Variants in PARD6G observed in about 807,000 individuals in gnomAD.
The protein encoded by PARD6G is par-6 family cell polarity regulator gamma.
In PARD6G, 7 loss-of-function variants were observed where a neutral mutation model predicts 10.7. That is an observed-to-expected ratio of 0.66 (90% CI 0.37 to 1.23). The LOEUF is 1.23. PARD6G is among the 50% of genes most tolerant of loss of function. PARD6G has a pLI of 0.02. For missense variants in PARD6G, 548 were observed against 571.8 expected, an observed-to-expected ratio of 0.96 and a Z score of 0.42; for synonymous variants, 287 against 269.4, an observed-to-expected ratio of 1.07 and a Z score of -0.64.
Position 80,182,136 on chromosome 18 carries a change from C to G in PARD6G, c.295+20574G>C, listed in dbSNP as rs2052851633. Among the ~76,000 whole-genome samples, 1 of 152,254 alleles carries G rather than the reference C, an allele frequency of 6.6e-6. No homozygotes were observed. Among genetic ancestry groups the G allele is most frequent in the African/African-American group, 2.4e-5 (1 of 41,464 alleles). ...TGCTCACCCACAGTGCTCTGGGCCC[C>G]TCCCACTTCCACAACTGCGACCTTG... On this transcript the variant is annotated intron_variant, in intron 2 of 2. Transcript: ENST00000353265. The surrounding 1 kb of genome is among the most constrained non-coding windows in gnomAD (Gnocchi z 4.5).
At chr18:80,197,559 T>A (rs1966969511) in intron 2 of PARD6G, 1 of 152,222 alleles carries the variant, frequency 6.6e-6, no homozygotes, top group South Asian at 2.1e-4. Context: ...GTGCTGAACA[T>A]CTTTCGGTGT....
intron 1 of PARD6G, among the ~76,000 whole-genome samples, chr18:80,244,153 G>A (rs1967518048): frequency 6.6e-6 from 1 of 152,092 alleles, no homozygotes; most frequent in African/African-American, 2.4e-5. Context: ...GGTGGCCAAG[G>A]ACTCTTGCTC....
chr18:80,172,762 A>G (rs2052785650), intron 2 of PARD6G, among the ~76,000 whole-genome samples: 1 of 152,144 alleles, frequency 6.6e-6, no homozygotes, highest in Non-Finnish European at 1.5e-5. Flanking sequence ...TGACTTACAA[A>G]TGCTTTTGTC....
At chr18:80,186,744 A>C (rs1269499183) in intron 2 of PARD6G, among the ~76,000 whole-genome samples, 1 of 152,072 alleles carries the variant, frequency 6.6e-6, no homozygotes, top group Non-Finnish European at 1.5e-5. Flanking sequence ...AGTAACATAA[A>C]ATTTTACCCT....
rs904468437 is a variant in PARD6G at position 80,168,605 on chromosome 18, G to GTGTA, written c.296-8003_296-8000dup. On this transcript the variant is annotated intron_variant, in intron 2 of 2. Transcript: ENST00000353265. ...TGTGTGTGTGTGTGTGTGTGTGTGT[G>GTGTA]TGTATGTATATGTATAAACTTTTTT... is the stretch of plus-strand genomic sequence containing the variant. 2.7e-5 allele frequency among the ~76,000 whole-genome samples: 4 copies of GTGTA among 149,736 alleles called. 1 individual carries two copies. The highest frequency in any genetic ancestry group is 9.9e-5 in the African/African-American group (4 of 40,204).
rs866989291 is a variant in PARD6G, at chr18:80,208,641, C to T, written c.73-5709G>A. Among the ~76,000 whole-genome samples, 5 of 152,244 alleles carry T rather than the reference C, an allele frequency of 3.3e-5. 1 individual carries two copies. In the Middle Eastern group the frequency reaches 0.01, roughly 311 times the overall value. On this transcript the variant is annotated intron_variant, in intron 1 of 2. Coordinates refer to ENST00000353265, the MANE Select transcript of PARD6G (RefSeq NM_032510.4). Reference sequence around the variant, plus strand: ...TACTCAAGCCAGGCATGGTGGTATACACCTGTAGTCCCAGCTACTTGGAGG... The same window carrying T: ...TACTCAAGCCAGGCATGGTGGTATATACCTGTAGTCCCAGCTACTTGGAGG...
chr18:80,223,531 C>T (rs1022516741), intron 1 of PARD6G, among the ~76,000 whole-genome samples: 21 of 152,178 alleles, frequency 1.4e-4, no homozygotes, highest in Admixed American at 1.4e-3. Flanking sequence ...GTCACTACCT[C>T]GGACTCACCA....
chr18:80,177,443 AACC>A (rs1359478846), intron 2 of PARD6G, among the ~76,000 whole-genome samples: 1 of 150,976 alleles, frequency 6.6e-6, no homozygotes, highest in Admixed American at 6.6e-5. Flanking sequence ...ACACAGGATA[AACC>A]ACAGTCCAAA....
rs1417400621 is a variant in PARD6G at position 80,157,703 on chromosome 18, G to A, written c.*2068C>T. Reference sequence around the variant, plus strand: ...TCCTCACCGGAGAGGTCATGGGGAAGCATCTTTGGTCTTCTCTTGCTTAGG... The same window carrying A: ...TCCTCACCGGAGAGGTCATGGGGAAACATCTTTGGTCTTCTCTTGCTTAGG... On this transcript the variant is annotated 3_prime_UTR_variant, in exon 3 of 3. Coordinates refer to ENST00000353265, the MANE Select transcript of PARD6G (RefSeq NM_032510.4). 1.3e-5 allele frequency: 2 copies of A among 152,182 alleles called. No individual in the cohort carries two copies. The highest frequency in any genetic ancestry group is 2.9e-5 in the Non-Finnish European group (2 of 68,034). 9.4% of individuals were successfully genotyped at this position (152,182 alleles called of 1,614,324 possible).
intron 1 of PARD6G, among the ~76,000 whole-genome samples, chr18:80,205,910 A>G (rs933011149): frequency 6.6e-6 from 1 of 152,232 alleles, no homozygotes; most frequent in Admixed American, 6.5e-5. Flanking sequence ...TAATGCAACT[A>G]GTAAGAGTGT....
In PARD6G at chr18:80,161,929, G is replaced by A. The variant is rs62101565; in HGVS notation, c.296-1323C>T. The A allele has an allele frequency of 6.6e-6, 1 of 152,318 alleles. No individual in the cohort carries two copies. The highest frequency in any genetic ancestry group is 1.5e-5 in the Non-Finnish European group (1 of 68,114). The allele number at this position is 152,318 out of a possible 1,614,324, so 9.4% of individuals were successfully genotyped here. A position where few individuals can be genotyped will look rare whatever the true frequency, so the allele number is the denominator to read the frequency against. On this transcript the variant is annotated intron_variant, in intron 2 of 2. Coordinates refer to ENST00000353265, the MANE Select transcript of PARD6G (RefSeq NM_032510.4). The surrounding 1 kb of genome is among the most constrained non-coding windows in gnomAD (Gnocchi z 4.6). The stretch of plus-strand genomic sequence containing the variant: ...AATGCTGGTTGACAGTTCTGGAAAG[G>A]ACTCGAAGACAAATTACTTCCACCA...
rs188776622 is a variant in PARD6G at position 80,231,967 on chromosome 18, C to T, written c.72+15310G>A. Among the ~76,000 whole-genome samples the T allele has an allele frequency of 1.1e-3, 173 of 152,300 alleles. 1 individual carries two copies. Among genetic ancestry groups the T allele is most frequent in the Admixed American group, 7.3e-3 (112 of 15,304 alleles). On this transcript the variant is annotated intron_variant, in intron 1 of 2. Coordinates refer to ENST00000353265, the MANE Select transcript of PARD6G (RefSeq NM_032510.4). The surrounding 1 kb of genome is among the most constrained non-coding windows in gnomAD (Gnocchi z 4.2). ...TGAGCTGCTGGCAGATTCAGCCTTC[C>T]GGCAGCTGAACCACAAGCCCTAATC...
chr18:80,187,253 G>A (rs1205031032), intron 2 of PARD6G, among the ~76,000 whole-genome samples: 1 of 152,198 alleles, frequency 6.6e-6, no homozygotes, highest in Non-Finnish European at 1.5e-5. Flanking sequence ...TGGCTGAGGG[G>A]ATGGCACGCG....
rs1014305686 is a variant in PARD6G, at chr18:80,228,778, G to A, written c.72+18499C>T. On this transcript the variant is annotated intron_variant, in intron 1 of 2. Transcript: ENST00000353265. This position sits in a 1 kb window ranked among gnomAD's most constrained non-coding sequence, Gnocchi z 4.6. ...CTAAGGCCCCCACCCCAGGCCTACA[G>A]GTGAGAACAGTGAACAACTGCAGGT... Among the ~76,000 whole-genome samples the A allele has an allele frequency of 2.0e-5, 3 of 152,192 alleles. No individual in the cohort carries two copies. The highest frequency in any genetic ancestry group is 2.0e-4 in the Admixed American group (3 of 15,276).
chr18:80,225,005 T>C (rs1258841571), intron 1 of PARD6G, among the ~76,000 whole-genome samples: 1 of 152,156 alleles, frequency 6.6e-6, no homozygotes, highest in Non-Finnish European at 1.5e-5. Flanking sequence ...GCATTCTTCT[T>C]ACCACTGAAA....
At position 80,175,446 on chromosome 18, in the gene PARD6G, G is replaced by C. The variant is rs2052802688; in HGVS notation, c.296-14840C>G. Among the ~76,000 whole-genome samples, 1 of 152,142 alleles carries C rather than the reference G, an allele frequency of 6.6e-6. No individual in the cohort carries two copies. The highest frequency in any genetic ancestry group is 1.5e-5 in the Non-Finnish European group (1 of 68,024). Reference sequence around the variant, plus strand: ...CGTGGCAGGGAGACCGAGATCTCTGGTGCCTCCTCCTCTGCTTACGACACA... The same window carrying C: ...CGTGGCAGGGAGACCGAGATCTCTGCTGCCTCCTCCTCTGCTTACGACACA... On this transcript the variant is annotated intron_variant, in intron 2 of 2. Transcript: ENST00000353265. The surrounding 1 kb of genome is among the most constrained non-coding windows in gnomAD (Gnocchi z 6.7).
At chr18:80,219,290 C>A (rs1340528207) in intron 1 of PARD6G, among the ~76,000 whole-genome samples, 1 of 152,198 alleles carries the variant, frequency 6.6e-6, no homozygotes, top group African/African-American at 2.4e-5. Flanking sequence ...CTCACTGCAA[C>A]CTCTGCCTCC....
At chr18:80,196,532 G>A (rs1318410479) in intron 2 of PARD6G, among the ~76,000 whole-genome samples, 1 of 152,136 alleles carries the variant, frequency 6.6e-6, no homozygotes, top group Non-Finnish European at 1.5e-5. Flanking sequence ...GAAAATCACA[G>A]ACTCCAAGCA....
intron 1 of PARD6G, among the ~76,000 whole-genome samples, chr18:80,233,777 A>C (rs558026002): frequency 6.6e-6 from 1 of 152,196 alleles, no homozygotes; most frequent in Non-Finnish European, 1.5e-5. Flanking sequence ...CGTACTGTCC[A>C]TCCTGTCTCA....
Sources: allele counts gnomAD v4.1 joint callset (sites outside exome capture counted in the v4.1 genomes callset), GRCh38; gene constraint gnomAD v4.1.1; non-coding constraint Gnocchi (gnomAD v3.1); transcripts MANE v1.5; gene names NCBI Gene and HGNC (gene_info 2026-07-23, HGNC 2026-07-21).